The following ZNF704 variants were observed in gnomAD, a reference collection of about 807,000 sequenced individuals.
ZNF704 encodes the protein zinc finger protein 704.
A neutral mutation model predicts 44.7 loss-of-function variants in ZNF704; 10 were observed. That is an observed-to-expected ratio of 0.22 (90% confidence interval 0.14 to 0.38). The LOEUF is 0.38. Among genes scored for constraint, ZNF704 ranks in the 10% least tolerant of loss-of-function variants. The probability of loss-of-function intolerance (pLI) is 1.00; values close to 1 mark genes in which losing one functional copy is unlikely to be tolerated. For synonymous variants in ZNF704, 211 were observed against 207.6 expected (o/e 1.02, Z -0.14); for missense variants, 390 against 545.5 (o/e 0.71, Z 2.84).
chr8:80,835,288 T>C (rs536879577), intron 1 of ZNF704, among the ~76,000 whole-genome samples: 6 of 152,354 alleles, frequency 3.9e-5, no homozygotes, highest in Admixed American at 6.5e-5. Context: ...CCCAACCATA[T>C]GGTAAGGACT....
intron 2 of ZNF704, among the ~76,000 whole-genome samples, chr8:80,804,221 T>C (rs1225473338): frequency 1.3e-5 from 2 of 152,198 alleles, no homozygotes; most frequent in African/African-American, 4.8e-5. Context: ...GCTTTTACAC[T>C]GTTGGGAGTG....
chr8:80,821,659 C>A, intron 1 of ZNF704, 44 bp from the exon 2 acceptor site: 1 of 1,478,340 alleles, frequency 6.8e-7, no homozygotes, highest in South Asian at 1.2e-5. Context: ...TAAAACATCA[C>A]CTTTGTACGA....
rs973324535 is a variant in ZNF704, at chr8:80,641,310, T to C, written c.*56A>G. ...GAAAAGCTCTTTCCAACACCTGCAG[T>C]GGCAGGCCAGGGCAGGAGCGGCTCA... On this transcript the variant is annotated 3_prime_UTR_variant, in exon 9 of 9. Transcript: ENST00000327835. 7 of 1,194,294 alleles carry C rather than the reference T, an allele frequency of 5.9e-6. No individual in the cohort carries two copies. The East Asian group carries it at 1.8e-4, about 31-fold the overall frequency. The allele number at this position is 1,194,294 out of a possible 1,614,324, so 74.0% of individuals were successfully genotyped here.
chr8:80,666,993 T>C (rs982008181), intron 5 of ZNF704, among the ~76,000 whole-genome samples: 1 of 152,160 alleles, frequency 6.6e-6, no homozygotes, highest in Admixed American at 6.5e-5. Flanking sequence ...GTCAATTTTG[T>C]CTTTTAAAGA....
chr8:80,786,813 C>T (rs1489239482), intron 2 of ZNF704, among the ~76,000 whole-genome samples: 1 of 152,130 alleles, frequency 6.6e-6, no homozygotes, highest in Non-Finnish European at 1.5e-5. Context: ...AGCAAAAAGT[C>T]TGAACCTGTA....
intron 2 of ZNF704, among the ~76,000 whole-genome samples, chr8:80,803,087 C>A (rs1015575182): frequency 6.6e-6 from 1 of 152,032 alleles, no homozygotes; most frequent in African/African-American, 2.4e-5. Context: ...AACTCTCATT[C>A]ACAATTGCTA....
intron 1 of ZNF704, among the ~76,000 whole-genome samples, chr8:80,843,771 T>C (rs1357065396): frequency 6.6e-6 from 1 of 152,206 alleles, no homozygotes; most frequent in Non-Finnish European, 1.5e-5. Context: ...TGAATATTTA[T>C]TCCAGCCCAC....
chr8:80,842,325 T>C (rs1306681602), intron 1 of ZNF704, among the ~76,000 whole-genome samples: 1 of 152,090 alleles, frequency 6.6e-6, no homozygotes, highest in Non-Finnish European at 1.5e-5. Flanking sequence ...CAAATGGAAA[T>C]ACCTAGTAAA....
upstream of ZNF704, among the ~76,000 whole-genome samples, chr8:80,875,681 T>A (rs1809346913): frequency 6.6e-6 from 1 of 152,172 alleles, no homozygotes; most frequent in African/African-American, 2.4e-5. Context: ...ATCTTACGCA[T>A]CAAATACCCT....
chr8:80,630,409 G>A lies in ZNF704; in HGVS notation c.*10957C>T, dbSNP rs2131577694. 1 of 152,220 alleles carries A rather than the reference G, an allele frequency of 6.6e-6. No homozygotes were observed. Among genetic ancestry groups the A allele is most frequent in the Non-Finnish European group, 1.5e-5 (1 of 67,996 alleles). The allele number at this position is 152,220 out of a possible 1,614,324, so 9.4% of individuals were successfully genotyped here. On this transcript the variant is annotated 3_prime_UTR_variant, in exon 9 of 9. Transcript: ENST00000327835. ...TCTCTTCATTCTTTCTCCTTTACTT[G>A]TTTAGCAGGCACTAAAAAGCAATGT...
chr8:80,765,944 T>A (rs1586012014), intron 2 of ZNF704, among the ~76,000 whole-genome samples: 2 of 152,146 alleles, frequency 1.3e-5, no homozygotes, highest in South Asian at 2.1e-4. Flanking sequence ...AAGCAATAAT[T>A]CATTAGTGTA....
chr8:80,826,197 G>A (rs1808371961), intron 1 of ZNF704, among the ~76,000 whole-genome samples: 1 of 151,932 alleles, frequency 6.6e-6, no homozygotes, highest in Non-Finnish European at 1.5e-5. Flanking sequence ...TAACAAAGAA[G>A]AAAAGAGAGA....
intron 2 of ZNF704, among the ~76,000 whole-genome samples, chr8:80,742,856 G>A (rs996338970): frequency 3.3e-5 from 5 of 152,008 alleles, no homozygotes; most frequent in African/African-American, 1.2e-4. Flanking sequence ...CCTGTTGAGA[G>A]GAGGTACCGA....
intron 2 of ZNF704, among the ~76,000 whole-genome samples, chr8:80,753,368 T>C (rs778118916): frequency 7.9e-5 from 12 of 151,986 alleles, no homozygotes; most frequent in Non-Finnish European, 1.3e-4. Flanking sequence ...GAGGAAACAA[T>C]CTTCCTGCCC....
intron 4 of ZNF704, 71 bp from the exon 5 acceptor site, chr8:80,670,674 C>A (rs1473859461): frequency 8.7e-7 from 1 of 1,144,068 alleles, no homozygotes; most frequent in African/African-American, 1.5e-5. Context: ...GTCATCCCAA[C>A]ATATTTTTTT....
intron 2 of ZNF704, among the ~76,000 whole-genome samples, chr8:80,795,113 G>A (rs909577895): frequency 1.3e-5 from 2 of 152,160 alleles, no homozygotes; most frequent in African/African-American, 2.4e-5. Context: ...CCTCACACAA[G>A]CGCACACACA....
intron 7 of ZNF704, among the ~76,000 whole-genome samples, chr8:80,650,542 G>A (rs932761591): frequency 7.2e-5 from 11 of 152,268 alleles, no homozygotes; most frequent in Middle Eastern, 3.4e-3. Context: ...TAGCTGATTC[G>A]ATCAAGTGGA....
At chr8:80,758,081 C>T (rs1196225970) in intron 2 of ZNF704, among the ~76,000 whole-genome samples, 4 of 152,210 alleles carry the variant, frequency 2.6e-5, no homozygotes, top group South Asian at 2.1e-4. Flanking sequence ...TGTATTATAG[C>T]TGTGCCTTTG....
intron 2 of ZNF704, among the ~76,000 whole-genome samples, chr8:80,774,846 T>C (rs978060331): frequency 2.0e-5 from 3 of 152,244 alleles, no homozygotes; most frequent in Admixed American, 1.3e-4. Context: ...ATTGGAGCTT[T>C]GTCTATGCTG....
Sources: gnomAD v4.1 joint callset for allele counts (sites outside exome capture counted in the v4.1 genomes callset) on GRCh38, gnomAD v4.1.1 for gene constraint, MANE v1.5 for transcripts, NCBI Gene and HGNC (gene_info 2026-07-23, HGNC 2026-07-21) for gene names.